The following CPA4 variants were observed in gnomAD, a reference collection of about 807,000 sequenced individuals.
CPA4 encodes carboxypeptidase A4, also known as carboxypeptidase A3.
A neutral mutation model predicts 54.7 loss-of-function variants in CPA4; 49 were observed. That is an observed-to-expected ratio of 0.90 (90% confidence interval 0.71 to 1.14). The LOEUF (loss-of-function observed/expected upper bound fraction) is 1.14, where lower values mean the gene tolerates loss of function less well. Among genes scored for constraint, CPA4 ranks in the 50% most tolerant of loss-of-function variants. The pLI is 0.00. For missense variants in CPA4, 487 were observed against 525.1 expected (o/e 0.93, Z 0.71); for synonymous variants, 215 against 206.8 (o/e 1.04, Z -0.34).
At chr7:130,307,629 C>CAAAAAAAA (rs139677506) in intron 7 of CPA4, among the ~76,000 whole-genome samples, 1 of 127,218 alleles carries the variant, frequency 7.9e-6, no homozygotes, top group Non-Finnish European at 1.6e-5. Flanking sequence ...GACTCCATCT[C>CAAAAAAAA]AGAAAAAAAA....
Position 130,322,475 on chromosome 7 carries a change from C to T in CPA4, c.1079-14C>T. 6.2e-7 allele frequency: 1 copy of T among 1,608,054 alleles called. No individual in the cohort carries two copies. Among genetic ancestry groups the T allele is most frequent in the Non-Finnish European group, 8.5e-7 (1 of 1,176,602 alleles). On this transcript the variant is annotated splice_polypyrimidine_tract_variant and intron_variant, in intron 10 of 10. Transcript: ENST00000222482. ...GAACTGGGCTTCAAGAGTGTTTTGT[C>T]CTCCGACTTACAGATCCAGCTAGCG... is the stretch of plus-strand genomic sequence containing the variant.
chr7:130,311,860 C>T (rs1011296436), intron 9 of CPA4, among the ~76,000 whole-genome samples, 178 bp from the exon 10 acceptor site: 8 of 152,158 alleles, frequency 5.3e-5, no homozygotes, highest in African/African-American at 1.9e-4. Flanking sequence ...GTTGAAGGAA[C>T]CATGCCACCT....
intron 10 of CPA4, among the ~76,000 whole-genome samples, chr7:130,321,009 G>T (rs2117174945): frequency 6.6e-6 from 1 of 152,154 alleles, no homozygotes; most frequent in East Asian, 1.9e-4. Context: ...CACCAGCTGG[G>T]CAGCATAGTA....
chr7:130,304,973 T>C (rs1452273202), intron 5 of CPA4, among the ~76,000 whole-genome samples: 1 of 152,130 alleles, frequency 6.6e-6, no homozygotes, highest in African/African-American at 2.4e-5. Context: ...AATTTGAGGG[T>C]TGGTGTAATT....
rs1046870680 is a variant in CPA4 at position 130,320,679 on chromosome 7, A to C, written c.1079-1810A>C. 2.6e-5 allele frequency among the ~76,000 whole-genome samples: 4 copies of C among 152,216 alleles called. No individual in the cohort carries two copies. The East Asian group carries it at 7.7e-4, about 29-fold the overall frequency. Reference sequence around the variant, plus strand: ...AGGAGAGCCTGGGCTTTATTATCAGATGGACCTGGGTTTAGATTGCAGCTC... The same window carrying C: ...AGGAGAGCCTGGGCTTTATTATCAGCTGGACCTGGGTTTAGATTGCAGCTC... On this transcript the variant is annotated intron_variant, in intron 10 of 10. Transcript: ENST00000222482.
chr7:130,298,465 T>C (rs1304852461), intron 1 of CPA4, among the ~76,000 whole-genome samples: 2 of 152,254 alleles, frequency 1.3e-5, no homozygotes, highest in African/African-American at 4.8e-5. Context: ...TGTCTGTTTT[T>C]CTTCCAATGC....
chr7:130,312,638 C>G (rs1446284234), intron 10 of CPA4, among the ~76,000 whole-genome samples: 1 of 152,106 alleles, frequency 6.6e-6, no homozygotes, highest in Non-Finnish European at 1.5e-5. Context: ...TTTTCCAGCA[C>G]AAGCCCTCTT....
chr7:130,319,697 A>G (rs908670393), intron 10 of CPA4, among the ~76,000 whole-genome samples: 1 of 152,188 alleles, frequency 6.6e-6, no homozygotes, highest in Non-Finnish European at 1.5e-5. Context: ...GCGGAGCTGT[A>G]CAGGAACAAA....
At position 130,305,899 on chromosome 7, in the gene CPA4, T is replaced by C; in HGVS notation, c.570T>C (p.Thr190=). The change falls in exon 6 of 11, where the codon ACT becomes ACC. Residue 190 remains threonine (T), a synonymous_variant. Transcript: ENST00000222482. ...IHSREWISQA[T]AIWTARKIVS... ...CCCGAGAGTGGATCTCCCAGGCCAC[T>C]GCAATCTGGACGGCAAGGAAGGTCA... 6.2e-7 allele frequency: 1 copy of C among 1,613,872 alleles called. No individual in the cohort carries two copies. Among genetic ancestry groups the C allele is most frequent in the Non-Finnish European group, 8.5e-7 (1 of 1,179,830 alleles).
intron 1 of CPA4, among the ~76,000 whole-genome samples, chr7:130,295,064 A>G (rs1793627478): frequency 6.6e-6 from 1 of 152,202 alleles, no homozygotes; most frequent in Non-Finnish European, 1.5e-5. Flanking sequence ...CAGGATGCCT[A>G]GAGGCACCAG....
rs73721867 is a variant in CPA4, at chr7:130,312,801, G to C, written c.1078+679G>C. ...GACTAAGGGTATTTAAGGGTTTAGGGAGGGGGAGCTTATCGCAGGCTCAGA... is the reference window on the plus strand; with the variant it reads ...GACTAAGGGTATTTAAGGGTTTAGGCAGGGGGAGCTTATCGCAGGCTCAGA... On this transcript the variant is annotated intron_variant, in intron 10 of 10. Coordinates refer to ENST00000222482, the MANE Select transcript of CPA4 (RefSeq NM_016352.4). Among the ~76,000 whole-genome samples the C allele has an allele frequency of 4.4e-3, 666 of 152,250 alleles. 4 individuals are homozygous for C. The highest frequency in any genetic ancestry group is 0.015 in the African/African-American group (611 of 41,548).
chr7:130,311,288 G>A (rs1793909081), intron 9 of CPA4, among the ~76,000 whole-genome samples: 1 of 152,196 alleles, frequency 6.6e-6, no homozygotes, highest in Admixed American at 6.5e-5. Context: ...ACTGTGGGTG[G>A]CACCTGGGTG....
chr7:130,308,048 C>T, intron 7 of CPA4: 3 of 471,784 alleles, frequency 6.4e-6, no homozygotes, highest in Non-Finnish European at 1.2e-5. Flanking sequence ...TCAGTGGATT[C>T]AGGCAGTATC....
chr7:130,322,612 C>A lies in CPA4; in HGVS notation c.1202C>A (p.Thr401Asn). 6.2e-7 allele frequency: 1 copy of A among 1,614,250 alleles called. No homozygotes were observed. Among genetic ancestry groups the A allele is most frequent in the Non-Finnish European group, 8.5e-7 (1 of 1,180,048 alleles). The change falls in exon 11 of 11, where the codon ACT (threonine) becomes AAT (asparagine). Residue 401 changes from threonine (T) to asparagine (N), a missense_variant. Transcript: ENST00000222482. Reference protein sequence around the residue: ...FLLPANQIIPTAEETWLGLKT... With the variant: ...FLLPANQIIPNAEETWLGLKT... ...CTGCCAGCTAACCAGATCATCCCCA[C>A]TGCAGAGGAGACGTGGCTGGGGCTG...
chr7:130,301,406 T>C (rs1349042297), intron 4 of CPA4, among the ~76,000 whole-genome samples: 3 of 152,224 alleles, frequency 2.0e-5, no homozygotes, highest in African/African-American at 4.8e-5. Context: ...TTGATATAGA[T>C]GGCTGACTTT....
chr7:130,312,177 A>G (rs2117154629), intron 10 of CPA4, 55 bp downstream of exon 10: 1 of 1,300,962 alleles, frequency 7.7e-7, no homozygotes, highest in East Asian at 2.3e-5. Context: ...AGGAAACTTG[A>G]AATGGAGTGG....
Position 130,306,844 on chromosome 7 carries a change from A to G in CPA4, c.649A>G (p.Ile217Val). Reference protein sequence around the residue: ...AITSILEKMDIFLLPVANPDG... With the variant: ...AITSILEKMDVFLLPVANPDG... Reference sequence around the variant, plus strand: ...CACCTCCATCTTGGAGAAAATGGATATTTTCTTGTTGCCTGTGGCCAATCC... The same window carrying G: ...CACCTCCATCTTGGAGAAAATGGATGTTTTCTTGTTGCCTGTGGCCAATCC... The change falls in exon 7 of 11, where the codon ATT becomes GTT. Residue 217 changes from isoleucine to valine, a missense_variant. Physicochemically the swap from Ile to Val is conservative, Grantham distance 29 (BLOSUM62 3). Transcript: ENST00000222482. 6.2e-7 allele frequency: 1 copy of G among 1,612,508 alleles called. No homozygotes were observed. Among genetic ancestry groups the G allele is most frequent in the Non-Finnish European group, 8.5e-7 (1 of 1,178,530 alleles).
chr7:130,312,932 C>T (rs1205627441), intron 10 of CPA4, among the ~76,000 whole-genome samples: 1 of 152,024 alleles, frequency 6.6e-6, no homozygotes, highest in Admixed American at 6.5e-5. Flanking sequence ...GGAGGTTTAT[C>T]TTAGAGTTGG....
In CPA4 at chr7:130,300,375, C is replaced by T. The variant is rs144726734; in HGVS notation, c.286-441C>T. On this transcript the variant is annotated intron_variant, in intron 3 of 10. Transcript: ENST00000222482. ...TTTTTGAGATGGAGTCTCTCTCTTT[C>T]GCCAGGCTAGAGTATAATGGTGCAA... 3.8e-5 allele frequency among the ~76,000 whole-genome samples: 5 copies of T among 130,496 alleles called. No homozygotes were observed. In the East Asian group the frequency reaches 9.0e-4, roughly 23 times the overall value. 85.6% of individuals were successfully genotyped at this position (130,496 alleles called of 152,430 possible). A position where few individuals can be genotyped will look rare whatever the true frequency, so the allele number is the denominator to read the frequency against.
Sources: gnomAD v4.1 joint callset for allele counts (sites outside exome capture counted in the v4.1 genomes callset) on GRCh38, gnomAD v4.1.1 for gene constraint, MANE v1.5 for transcripts, NCBI Gene and HGNC (gene_info 2026-07-23, HGNC 2026-07-21) for gene names.